MYO1F: variants seen among roughly 807,000 people sequenced by gnomAD.
MYO1F encodes myosin IF.
A neutral mutation model predicts 146.6 loss-of-function variants in MYO1F; 60 were observed. The ratio of observed to expected loss-of-function variants is 0.41; its 90% CI spans 0.33 to 0.51. The LOEUF (loss-of-function observed/expected upper bound fraction) is 0.51, where lower values mean the gene tolerates loss of function less well. Among genes scored for constraint, MYO1F ranks in the 20% least tolerant of loss-of-function variants. The pLI, the probability that MYO1F is intolerant of heterozygous loss-of-function variation, is 0.25. For synonymous variants in MYO1F, 602 were observed against 602.1 expected, an observed-to-expected ratio of 1.00 and a Z score of 0.00; for missense variants, 1,274 against 1,534.3, an observed-to-expected ratio of 0.83 and a Z score of 2.83.
chr19:8,570,675 A>AT (rs782049069), intron 1 of MYO1F, among the ~76,000 whole-genome samples: 6,057 of 143,440 alleles, frequency 0.042, 285 homozygotes, highest in African/African-American at 0.12. Context: ...ACCCAACCAC[A>AT]TTTTTTTTTT....
rs753914209 is a variant in MYO1F at position 8,536,269 on chromosome 19, C to T, written c.2026G>A (p.Val676Ile). Residue 676 changes from valine to isoleucine, a missense_variant, in exon 19 of 28, where the codon GTC becomes ATC. This residue lies in a region of MYO1F where 900 missense variants were observed against 1,155.1 expected (regional missense o/e 0.78). Transcript: ENST00000644032. ...ACACTCACCGACTCTGGGTTCTTGA[C>T]AAAGACCTTGGTGCTCCCCATCTGG... ...QYQMGSTKVFVKNPESLFLLE... is the reference protein window; with the variant it reads ...QYQMGSTKVFIKNPESLFLLE... 1 of 1,606,524 alleles carries T rather than the reference C, an allele frequency of 6.2e-7. No homozygotes were observed. The highest frequency in any genetic ancestry group is 1.7e-5 in the Admixed American group (1 of 59,968).
chr19:8,561,523 T>C (rs1188664331), intron 1 of MYO1F, among the ~76,000 whole-genome samples: 1 of 142,544 alleles, frequency 7.0e-6, no homozygotes, highest in African/African-American at 2.6e-5. Context: ...CTTCTCTCTT[T>C]CTCTCTTCTT....
chr19:8,562,033 T>TAAA (rs1974157543), intron 1 of MYO1F, among the ~76,000 whole-genome samples: 1 of 151,356 alleles, frequency 6.6e-6, no homozygotes, highest in African/African-American at 2.4e-5. Flanking sequence ...CTTTTTCTTT[T>TAAA]TTTTTCTTTT....
intron 14 of MYO1F, among the ~76,000 whole-genome samples, chr19:8,543,645 G>GTGGTGGTGCTGGTGGTGGTGGTGGTGC (rs1973076774): frequency 6.9e-6 from 1 of 145,832 alleles, no homozygotes; most frequent in African/African-American, 2.6e-5. Flanking sequence ...CACGGTGGTG[G>GTGGTGGTGCTGGTGGTGGTGGTGGTGC]TGGTGGTGCT....
chr19:8,544,532 G>T (rs1425092965), intron 13 of MYO1F, 68 bp from the exon 14 acceptor site: 3 of 1,528,716 alleles, frequency 2.0e-6, no homozygotes, highest in East Asian at 4.7e-5. Context: ...GCTCGTCAGT[G>T]CAGAGATTAG....
At position 8,555,522 on chromosome 19, in the gene MYO1F, CTCTG is replaced by C. The variant is rs58623850; in HGVS notation, c.141+133_141+136del. 1.7e-3 allele frequency: 2,068 copies of C among 1,213,204 alleles called. 27 individuals carry two copies. In the African/African-American group the frequency reaches 0.027, roughly 16 times the overall value. The allele number at this position is 1,213,204 out of a possible 1,614,324, so 75.2% of individuals were successfully genotyped here. ...GCCCCCAACCAGAGCCCTGCTGTCACTCTGTCTGTCCTCTGTGTCACCACTTGGT... is the reference window on the plus strand; with the variant it reads ...GCCCCCAACCAGAGCCCTGCTGTCACTCTGTCCTCTGTGTCACCACTTGGT... On this transcript the variant is annotated intron_variant, in intron 2 of 27. Transcript: ENST00000644032.
intron 1 of MYO1F, among the ~76,000 whole-genome samples, chr19:8,567,206 A>G (rs945844500): frequency 7.9e-5 from 12 of 151,440 alleles, no homozygotes; most frequent in African/African-American, 1.9e-4. Context: ...AGCTGGGATT[A>G]TAGGCACCCA....
intron 19 of MYO1F, among the ~76,000 whole-genome samples, chr19:8,531,374 G>C (rs562679539): frequency 6.6e-6 from 1 of 152,182 alleles, no homozygotes; most frequent in East Asian, 1.9e-4. Flanking sequence ...AAAAAGACAG[G>C]GTCTCGCTCC....
At chr19:8,538,373 C>CTA (rs1242766472) in intron 16 of MYO1F, among the ~76,000 whole-genome samples, 3 of 152,004 alleles carry the variant, frequency 2.0e-5, no homozygotes, top group Non-Finnish European at 4.4e-5. Flanking sequence ...TCACTGCAAC[C>CTA]TCCATCTCCC....
At chr19:8,528,668 A>G (rs1290961733) in intron 21 of MYO1F, among the ~76,000 whole-genome samples, 1 of 152,196 alleles carries the variant, frequency 6.6e-6, no homozygotes, top group Non-Finnish European at 1.5e-5. Context: ...GGTGCTGGGT[A>G]GGTAAGGCAC....
intron 21 of MYO1F, 80 bp from the exon 22 acceptor site, chr19:8,527,563 T>C (rs1599915457): frequency 3.8e-6 from 6 of 1,571,994 alleles, no homozygotes; most frequent in Admixed American, 1.8e-5. Context: ...GGCAGAGGGG[T>C]GGTGCTGGCA....
rs1359968888 is a variant in MYO1F, at chr19:8,539,941, G to A, written c.1692+6C>T. 12 of 1,612,340 alleles carry A rather than the reference G, an allele frequency of 7.4e-6. No homozygotes were observed. Among genetic ancestry groups the A allele is most frequent in the Non-Finnish European group, 9.3e-6 (11 of 1,179,202 alleles). ...CCCAGCTCCCCGTTGTACACCCCAG[G>A]CCCACCTTGATCTTGGAGCCGGCGG... On this transcript the variant is annotated splice_donor_region_variant and intron_variant, in intron 16 of 27. Transcript: ENST00000644032.
At chr19:8,552,661 G>A (rs1467997587) in intron 6 of MYO1F, among the ~76,000 whole-genome samples, 1 of 152,020 alleles carries the variant, frequency 6.6e-6, no homozygotes, top group African/African-American at 2.4e-5. Context: ...TTATGGATGA[G>A]CAAACAGAGG....
At chr19:8,525,319 G>T in intron 25 of MYO1F, 160 bp downstream of exon 25, 1 of 623,370 alleles carries the variant, frequency 1.6e-6, no homozygotes, top group Non-Finnish European at 2.8e-6. Flanking sequence ...GCCAAACTAA[G>T]TTTAGCCTTT....
At chr19:8,545,460 G>A in intron 13 of MYO1F, 190 bp downstream of exon 13, 1 of 661,160 alleles carries the variant, frequency 1.5e-6, no homozygotes, top group Non-Finnish European at 2.8e-6. Context: ...GTGAAAGGTG[G>A]ACAAGTAGGC....
intron 1 of MYO1F, among the ~76,000 whole-genome samples, chr19:8,566,619 T>G (rs1018265240): frequency 6.7e-6 from 1 of 149,280 alleles, no homozygotes; most frequent in Non-Finnish European, 1.5e-5. Context: ...GCTCAAGCGA[T>G]TCTCCTGCCT....
At chr19:8,527,927 A>G (rs1234701600) in intron 21 of MYO1F, among the ~76,000 whole-genome samples, 1 of 152,212 alleles carries the variant, frequency 6.6e-6, no homozygotes, top group Non-Finnish European at 1.5e-5. Flanking sequence ...GTTGTTATAT[A>G]AGAAACAGAA....
intron 1 of MYO1F, among the ~76,000 whole-genome samples, chr19:8,569,733 T>C (rs1183841499): frequency 6.6e-6 from 1 of 152,020 alleles, no homozygotes; most frequent in Non-Finnish European, 1.5e-5. Flanking sequence ...GCAGCATCAG[T>C]GGTGGCTGCA....
At chr19:8,535,259 C>T (rs548923265) in intron 19 of MYO1F, among the ~76,000 whole-genome samples, 2 of 152,016 alleles carry the variant, frequency 1.3e-5, no homozygotes, top group Non-Finnish European at 2.9e-5. Flanking sequence ...TATAAATATT[C>T]AGTCTGTCTT....
Sources: allele counts gnomAD v4.1 joint callset (sites outside exome capture counted in the v4.1 genomes callset), GRCh38; gene constraint gnomAD v4.1.1; regional missense constraint gnomAD v4.1.1; transcripts MANE v1.5; gene names NCBI Gene and HGNC (gene_info 2026-07-23, HGNC 2026-07-21).